The following ECM2 variants were observed in gnomAD, a reference collection of about 807,000 sequenced individuals.
ECM2 encodes extracellular matrix protein 2, female organ and adipocyte specific.
In ECM2, 57 loss-of-function variants were observed where a neutral mutation model predicts 67.5. The observed-to-expected ratio is 0.84, with a 90% CI of 0.68 to 1.05. The LOEUF is 1.05. Ranked by LOEUF, ECM2 falls within the 50% of genes least tolerant of loss-of-function variation. The probability of loss-of-function intolerance (pLI) is 0.00; values close to 1 mark genes in which losing one functional copy is unlikely to be tolerated. For synonymous variants in ECM2, 258 were observed against 294.5 expected (o/e 0.88, Z 1.27); for missense variants, 741 against 822.8 (o/e 0.90, Z 1.22).
intron 1 of ECM2, among the ~76,000 whole-genome samples, 161 bp downstream of exon 1, chr9:92,535,772 A>G (rs932552687): frequency 6.6e-6 from 1 of 152,208 alleles, no homozygotes; most frequent in Non-Finnish European, 1.5e-5. Context: ...TGGGAAGTAC[A>G]TCGTGAAAAA....
At chr9:92,514,124 C>CTT (rs34816093) in intron 4 of ECM2, among the ~76,000 whole-genome samples, 9 of 136,282 alleles carry the variant, frequency 6.6e-5, no homozygotes, top group East Asian at 2.2e-4. Flanking sequence ...GAATCGTTCA[C>CTT]TTTTTTTTTT....
chr9:92,536,917 T>A (rs557038800), upstream of ECM2, among the ~76,000 whole-genome samples: 2 of 150,878 alleles, frequency 1.3e-5, no homozygotes, highest in South Asian at 4.2e-4. Context: ...TTGCCCAGGC[T>A]AGAGTGCAAT....
At chr9:92,504,335 A>C (rs1179162635) in intron 7 of ECM2, among the ~76,000 whole-genome samples, 1 of 152,196 alleles carries the variant, frequency 6.6e-6, no homozygotes, top group Non-Finnish European at 1.5e-5. Context: ...GGTGGTAGCC[A>C]TGACAGCCAC....
At chr9:92,498,894 G>A (rs1846510395) in intron 9 of ECM2, among the ~76,000 whole-genome samples, 1 of 152,122 alleles carries the variant, frequency 6.6e-6, no homozygotes, top group African/African-American at 2.4e-5. Context: ...ATTTGATTTG[G>A]GAATGTCAGT....
chr9:92,510,181 T>C, intron 5 of ECM2, 147 bp from the exon 6 acceptor site: 1 of 747,760 alleles, frequency 1.3e-6, no homozygotes, highest in Non-Finnish European at 2.0e-6. Context: ...AAACCCCTTA[T>C]TCCCCCTGCC....
At chr9:92,520,161 G>A (rs1459843709) in intron 2 of ECM2, among the ~76,000 whole-genome samples, 1 of 151,272 alleles carries the variant, frequency 6.6e-6, no homozygotes, top group African/African-American at 2.5e-5. Flanking sequence ...GTGCATTCTT[G>A]TAGTCCCAGC....
At chr9:92,519,060 T>C (rs1293165294) in intron 2 of ECM2, among the ~76,000 whole-genome samples, 1 of 152,112 alleles carries the variant, frequency 6.6e-6, no homozygotes, top group East Asian at 1.9e-4. Context: ...CAGATAACTT[T>C]CCTCCATCTG....
the ECM2 span, among the ~76,000 whole-genome samples, chr9:92,542,013 C>G: frequency 6.6e-6 from 1 of 152,030 alleles, no homozygotes; most frequent in Non-Finnish European, 1.5e-5. Context: ...AGGCTGGTCT[C>G]AAACTCCTGA....
In ECM2 at chr9:92,517,525, C is replaced by T. The variant is rs1847802330; in HGVS notation, c.481+162G>A. ...TCTATTATTTATATCCCCTACCATA[C>T]ATTTTCCCAGATATTTTCTATGTTA... On this transcript the variant is annotated intron_variant, in intron 3 of 9. Coordinates refer to ENST00000344604, the MANE Select transcript of ECM2 (RefSeq NM_001393.4). 4.3e-6 allele frequency: 4 copies of T among 930,170 alleles called. No homozygotes were observed. The South Asian group carries it at 6.4e-5, about 15-fold the overall frequency. 57.6% of individuals were successfully genotyped at this position (930,170 alleles called of 1,614,324 possible). A position where few individuals can be genotyped will look rare whatever the true frequency, so the allele number is the denominator to read the frequency against.
chr9:92,514,301 G>C (rs1391407935), intron 4 of ECM2, among the ~76,000 whole-genome samples: 1 of 146,414 alleles, frequency 6.8e-6, no homozygotes, highest in Middle Eastern at 3.6e-3. Context: ...TTGAGATGGA[G>C]TCTCGCTCAA....
At position 92,496,402 on chromosome 9, in the gene ECM2, A is replaced by G. The variant is rs754839581; in HGVS notation, c.2013T>C (p.Tyr671=). The G allele has an allele frequency of 3.1e-6, 5 of 1,610,908 alleles. No individual in the cohort carries two copies. In the South Asian group the frequency reaches 4.4e-5, roughly 14 times the overall value. ...AAGATGGTATTTCTCTAATTTTAAT[A>G]TAATTGTTTTCAAGATGAAGATGTT... ...NLEHLHLENN[Y]IKIREIPSYT... The change falls in exon 10 of 10, where the codon TAT becomes TAC. Residue 671 remains tyrosine (Y), a synonymous_variant. Transcript: ENST00000344604.
At chr9:92,494,431 A>T (rs1163127718), downstream of ECM2, among the ~76,000 whole-genome samples, 1 of 152,176 alleles carries the variant, frequency 6.6e-6, no homozygotes, top group East Asian at 1.9e-4. Context: ...TTAGTAATGC[A>T]CCTTCATTCC....
At chr9:92,523,025 C>A (rs896543858) in intron 1 of ECM2, 132 bp from the exon 2 acceptor site, 1 of 860,640 alleles carries the variant, frequency 1.2e-6, no homozygotes, top group Admixed American at 3.3e-5. Flanking sequence ...GGACTATATG[C>A]TATAGTATTA....
intron 4 of ECM2, among the ~76,000 whole-genome samples, chr9:92,514,274 CTTTTT>C (rs1044226766): frequency 7.6e-6 from 1 of 130,744 alleles, no homozygotes; most frequent in African/African-American, 2.8e-5. Flanking sequence ...GAGTCATTTA[CTTTTT>C]TTTTTTTTTT....
At chr9:92,537,162 C>T (rs1233410915), upstream of ECM2, among the ~76,000 whole-genome samples, 1 of 151,824 alleles carries the variant, frequency 6.6e-6, no homozygotes, top group Admixed American at 6.6e-5. Context: ...AGGCATGAGC[C>T]ACCGCACCTG....
At chr9:92,542,061 G>T in the ECM2 span, among the ~76,000 whole-genome samples, 1 of 152,138 alleles carries the variant, frequency 6.6e-6, no homozygotes, top group Non-Finnish European at 1.5e-5. Flanking sequence ...CAAAGTGCTG[G>T]GATTATAGGC....
At chr9:92,557,942 C>T in the ECM2 span, among the ~76,000 whole-genome samples, 6 of 152,278 alleles carry the variant, frequency 3.9e-5, no homozygotes, top group South Asian at 1.2e-3. Flanking sequence ...CGCGCCTGGC[C>T]TGCATTTCGC....
chr9:92,556,277 A>T, the ECM2 span, among the ~76,000 whole-genome samples: 3 of 152,118 alleles, frequency 2.0e-5, no homozygotes, highest in African/African-American at 4.8e-5. Context: ...CAATTTTTTT[A>T]AATTTATTGA....
At chr9:92,527,417 A>G (rs1563987572) in intron 1 of ECM2, among the ~76,000 whole-genome samples, 1 of 152,210 alleles carries the variant, frequency 6.6e-6, no homozygotes, top group Admixed American at 6.5e-5. Context: ...AGGCTCTACC[A>G]TATAGCCTAG....
Sources: gnomAD v4.1 joint callset for allele counts (sites outside exome capture counted in the v4.1 genomes callset) on GRCh38, gnomAD v4.1.1 for gene constraint, MANE v1.5 for transcripts, NCBI Gene and HGNC (gene_info 2026-07-23, HGNC 2026-07-21) for gene names.